The following MAN2B2 variants were observed in gnomAD, a reference collection of about 807,000 sequenced individuals.
MAN2B2 encodes epididymis-specific alpha-mannosidase.
In MAN2B2, 106 loss-of-function variants were observed where a neutral mutation model predicts 117.1. The observed-to-expected ratio is 0.90, with a 90% confidence interval of 0.77 to 1.06. MAN2B2 has a LOEUF of 1.06. MAN2B2 is among the 50% of genes least tolerant of loss of function. MAN2B2 has a pLI of 0.00. For synonymous variants in MAN2B2, 544 were observed against 595.1 expected, an observed-to-expected ratio of 0.91 and a Z score of 1.25; for missense variants, 1,326 against 1,381.4, an observed-to-expected ratio of 0.96 and a Z score of 0.64.
chr4:6,600,771 T>C lies in MAN2B2; in HGVS notation c.1539+15T>C. ...TGCCCTCGCAGGTATGGACACAAAATCCTGCTGGAGGGGCCTTAGCTGCTT... is the reference window on the plus strand; with the variant it reads ...TGCCCTCGCAGGTATGGACACAAAACCCTGCTGGAGGGGCCTTAGCTGCTT... On this transcript the variant is annotated intron_variant, in intron 10 of 18. Transcript: ENST00000285599. 6.2e-7 allele frequency: 1 copy of C among 1,612,670 alleles called. No homozygotes were observed. Among genetic ancestry groups the C allele is most frequent in the South Asian group, 1.1e-5 (1 of 91,008 alleles).
intron 18 of MAN2B2, chr4:6,620,975 T>C (rs1712142365): frequency 5.6e-6 from 3 of 538,444 alleles, no homozygotes; most frequent in Non-Finnish European, 6.6e-6. Context: ...GGGGATGCCA[T>C]AGGCCGTTGC....
At chr4:6,617,670 T>C in intron 17 of MAN2B2, 178 bp downstream of exon 17, 3 of 1,299,916 alleles carry the variant, frequency 2.3e-6, no homozygotes, top group Non-Finnish European at 3.1e-6. Flanking sequence ...ACAACTGGCC[T>C]GGTTTTTTAG....
rs562921873 is a variant in MAN2B2, at chr4:6,620,018, G to A, written c.2906G>A (p.Trp969Ter). ...TTGAGCATGCTGCACCGCTGGAGCT[G>A]GAGGACGGGGCCTGGCCGCCACAGA... ...WDLSMLHRWS[W>*]RTGPGRHRGD... Residue 969 changes from tryptophan (W) to a stop codon, truncating the protein, a stop_gained, in exon 18 of 19, where the codon TGG becomes TAG. Transcript: ENST00000285599. LOFTEE classifies it low-confidence loss of function (END_TRUNC). 2 of 1,613,236 alleles carry A rather than the reference G, an allele frequency of 1.2e-6. No individual in the cohort carries two copies. The highest frequency in any genetic ancestry group is 4.5e-5 in the East Asian group (2 of 44,858).
At chr4:6,611,871 C>T (rs1164164516) in intron 15 of MAN2B2, among the ~76,000 whole-genome samples, 1 of 152,188 alleles carries the variant, frequency 6.6e-6, no homozygotes, top group Non-Finnish European at 1.5e-5. Context: ...AATCTATAGT[C>T]TAACCTAAAG....
chr4:6,575,386 CA>C, intron 1 of MAN2B2, 38 bp downstream of exon 1: 3 of 1,416,842 alleles, frequency 2.1e-6, no homozygotes, highest in Non-Finnish European at 2.8e-6. Context: ...CCTGAGGCTG[CA>C]GCTTCCCTCT....
In MAN2B2 at chr4:6,611,184, T is replaced by C; in HGVS notation, c.2469T>C (p.Leu823=). 1 of 1,613,960 alleles carries C rather than the reference T, an allele frequency of 6.2e-7. No homozygotes were observed. Among genetic ancestry groups the C allele is most frequent in the Non-Finnish European group, 8.5e-7 (1 of 1,180,026 alleles). Residue 823 remains leucine (L), a synonymous_variant, in exon 15 of 19, where the codon CTT becomes CTC. Coordinates refer to ENST00000285599, the MANE Select transcript of MAN2B2 (RefSeq NM_015274.3). ...CAGTCGTCCACCCAGTGCTCTGGCTTCTGCTGGGATCCTGGTCCCTCACCA... is the reference window on the plus strand; with the variant it reads ...CAGTCGTCCACCCAGTGCTCTGGCTCCTGCTGGGATCCTGGTCCCTCACCA... ...DTSVVHPVLW[L]LLGSWSLTTA... is the part of the protein sequence containing the mutation.
intron 10 of MAN2B2, among the ~76,000 whole-genome samples, chr4:6,603,450 G>A (rs1166962108): frequency 6.6e-6 from 1 of 152,172 alleles, no homozygotes; most frequent in African/African-American, 2.4e-5. Flanking sequence ...CAGGGGAGGG[G>A]CCCTCGGCTG....
At chr4:6,579,677 C>A (rs57028381) in intron 3 of MAN2B2, among the ~76,000 whole-genome samples, 3,533 of 152,088 alleles carry the variant, frequency 0.023, 141 homozygotes, top group African/African-American at 0.081. Context: ...CCATGATCAC[C>A]ACCCATCACT....
At chr4:6,614,022 C>T (rs905006413) in intron 15 of MAN2B2, among the ~76,000 whole-genome samples, 196 bp from the exon 16 acceptor site, 5 of 152,156 alleles carry the variant, frequency 3.3e-5, no homozygotes, top group African/African-American at 1.2e-4. Flanking sequence ...GCTCTATGGT[C>T]TGAGCAAAGG....
At chr4:6,575,482 G>A (rs991073803) in intron 1 of MAN2B2, 134 bp downstream of exon 1, 29 of 576,746 alleles carry the variant, frequency 5.0e-5, no homozygotes, top group Admixed American at 3.9e-4. Context: ...ACCCCACGCT[G>A]CCATTGACTG....
intron 3 of MAN2B2, among the ~76,000 whole-genome samples, chr4:6,581,987 C>T (rs62291356): frequency 0.32 from 48,081 of 151,826 alleles, 9,183 homozygotes; most frequent in East Asian, 0.6. Flanking sequence ...CTTTCATGCC[C>T]CTCCCTGAGG....
At chr4:6,578,608 C>A in intron 3 of MAN2B2, 110 bp downstream of exon 3, 3 of 850,720 alleles carry the variant, frequency 3.5e-6, no homozygotes, top group Non-Finnish European at 5.6e-6. Context: ...TTAGTGGGGT[C>A]GGGGACCTTA....
At position 6,594,666 on chromosome 4, in the gene MAN2B2, G is replaced by A. The variant is rs370327359; in HGVS notation, c.991G>A (p.Ala331Thr). ...TGCCACGCTGGGCGACTACTTCCGT[G>A]CCCTGCACGCTCTCAATGTCACCTG... The part of the protein sequence containing the change: ...QYATLGDYFR[A>T]LHALNVTWRV... The change falls in exon 7 of 19, where the codon GCC becomes ACC. Residue 331 changes from alanine (A) to threonine (T), a missense_variant. Physicochemically the swap from Ala to Thr is moderately conservative, Grantham distance 58. Transcript: ENST00000285599. 3.5e-5 allele frequency: 56 copies of A among 1,613,396 alleles called. No individual in the cohort carries two copies. In the African/African-American group the frequency reaches 6.4e-4, roughly 18 times the overall value.
At chr4:6,599,224 A>G (rs1433870689) in intron 9 of MAN2B2, among the ~76,000 whole-genome samples, 1 of 152,074 alleles carries the variant, frequency 6.6e-6, no homozygotes. Context: ...CAGCCTCCCA[A>G]GTAGCTGGGA....
At chr4:6,590,779 G>C (rs1472704823) in intron 5 of MAN2B2, among the ~76,000 whole-genome samples, 3 of 152,212 alleles carry the variant, frequency 2.0e-5, no homozygotes, top group Non-Finnish European at 4.4e-5. Flanking sequence ...TTGTTGTTGG[G>C]GCTTTGGCAC....
At chr4:6,581,358 G>A (rs923868238) in intron 3 of MAN2B2, among the ~76,000 whole-genome samples, 2 of 152,160 alleles carry the variant, frequency 1.3e-5, no homozygotes, top group African/African-American at 4.8e-5. Context: ...TTTGACAGAT[G>A]AGGAAACTGA....
At chr4:6,604,512 G>A (rs1405246526) in intron 10 of MAN2B2, among the ~76,000 whole-genome samples, 1 of 151,304 alleles carries the variant, frequency 6.6e-6, no homozygotes, top group East Asian at 2.0e-4. Context: ...TGAGGGATGG[G>A]ATGACTAGGG....
intron 3 of MAN2B2, among the ~76,000 whole-genome samples, chr4:6,579,131 A>T (rs796187859): frequency 1.0e-5 from 1 of 96,372 alleles, no homozygotes; most frequent in Non-Finnish European, 2.2e-5. Flanking sequence ...CACTACCACC[A>T]CCACCACCAT....
chr4:6,579,186 T>C (rs867823032), intron 3 of MAN2B2, among the ~76,000 whole-genome samples: 33 of 22,164 alleles, frequency 1.5e-3, no homozygotes, highest in South Asian at 6.0e-3. Context: ...ACCATCACCA[T>C]CACCAGCACC....
Sources: allele counts gnomAD v4.1 joint callset (sites outside exome capture counted in the v4.1 genomes callset), GRCh38; gene constraint gnomAD v4.1.1; transcripts MANE v1.5; gene names NCBI Gene and HGNC (gene_info 2026-07-23, HGNC 2026-07-21).